ADGRL3: variants seen among roughly 807,000 people sequenced by gnomAD.
ADGRL3 encodes calcium-independent alpha-latrotoxin receptor 3.
ADGRL3 carries 62 observed loss-of-function variants against 153.5 expected under a neutral mutation model. The observed-to-expected ratio is 0.40, with a 90% CI of 0.33 to 0.50. ADGRL3 has a LOEUF of 0.50. Among genes scored for constraint, ADGRL3 ranks in the 20% least tolerant of loss-of-function variants. The probability of loss-of-function intolerance (pLI) is 0.47; values close to 1 mark genes in which losing one functional copy is unlikely to be tolerated. For synonymous variants in ADGRL3, 710 were observed against 672.5 expected (o/e 1.06, Z -0.86); for missense variants, 1,641 against 1,859.4 (o/e 0.88, Z 2.16).
At chr4:61,774,456 C>T (rs1053514923) in intron 8 of ADGRL3, among the ~76,000 whole-genome samples, 10 of 143,520 alleles carry the variant, frequency 7.0e-5, no homozygotes, top group South Asian at 2.3e-4. Flanking sequence ...AAAAACAATA[C>T]AGTATAACAA....
At chr4:61,476,248 A>C (rs940031629) in intron 2 of ADGRL3, among the ~76,000 whole-genome samples, 1 of 151,820 alleles carries the variant, frequency 6.6e-6, no homozygotes, top group Non-Finnish European at 1.5e-5. Flanking sequence ...TTTTTTTGAG[A>C]GAGAGTCACT....
At chr4:61,535,104 ATT>A (rs61288917) in intron 4 of ADGRL3, among the ~76,000 whole-genome samples, 24 of 151,548 alleles carry the variant, frequency 1.6e-4, no homozygotes, top group African/African-American at 2.9e-4. Context: ...ATATTGAGGT[ATT>A]TTTTTTTATG....
intron 21 of ADGRL3, among the ~76,000 whole-genome samples, chr4:62,024,205 T>A (rs889196133): frequency 6.6e-6 from 1 of 152,124 alleles, no homozygotes; most frequent in African/African-American, 2.4e-5. Context: ...TTATACTCAG[T>A]TTTTCCTAAT....
chr4:61,946,441 A>G (rs1438699250), intron 15 of ADGRL3, among the ~76,000 whole-genome samples: 1 of 152,106 alleles, frequency 6.6e-6, no homozygotes, highest in African/African-American at 2.4e-5. Context: ...AATGTTTTGT[A>G]TAATAATGAA....
intron 2 of ADGRL3, among the ~76,000 whole-genome samples, chr4:61,495,567 C>G (rs1029609544): frequency 6.6e-6 from 1 of 151,828 alleles, no homozygotes; most frequent in African/African-American, 2.4e-5. Context: ...CCAATTTGTG[C>G]TTGATTGATC....
At chr4:61,749,519 C>A (rs201938263) in intron 8 of ADGRL3, among the ~76,000 whole-genome samples, 1 of 152,156 alleles carries the variant, frequency 6.6e-6, no homozygotes, top group East Asian at 1.9e-4. Flanking sequence ...CCGTGGAATA[C>A]TATGCAACCA....
At position 61,326,599 on chromosome 4, in the gene ADGRL3, A is replaced by ATGTGTGTGTGTG. The variant is rs34387631; in HGVS notation, c.-239-56501_-239-56490dup. On this transcript the variant is annotated intron_variant, in intron 1 of 26. Transcript: ENST00000683033. The stretch of plus-strand genomic sequence containing the variant: ...TCCAGCTAGCCAGTTATGCCAGATA[A>ATGTGTGTGTGTG]TGTGTGTGTGTGTGTGTGTGTGTGT... Among the ~76,000 whole-genome samples, 763 of 140,712 alleles carry ATGTGTGTGTGTG rather than the reference A, an allele frequency of 5.4e-3. 8 individuals carry two copies. Among genetic ancestry groups the ATGTGTGTGTGTG allele is most frequent in the African/African-American group, 0.019 (734 of 38,240 alleles). 92.3% of individuals were successfully genotyped at this position (140,712 alleles called of 152,430 possible).
chr4:62,043,718 T>C (rs547065212), intron 24 of ADGRL3, among the ~76,000 whole-genome samples: 1 of 152,126 alleles, frequency 6.6e-6, no homozygotes. Flanking sequence ...TAAACTGATA[T>C]AACAGAATAA....
At chr4:61,739,228 T>A (rs1348947831) in intron 8 of ADGRL3, among the ~76,000 whole-genome samples, 1 of 152,174 alleles carries the variant, frequency 6.6e-6, no homozygotes, top group African/African-American at 2.4e-5. Context: ...TAAAAAGTTT[T>A]TTTTGGAACT....
At chr4:61,704,245 G>A (rs754902396) in intron 6 of ADGRL3, among the ~76,000 whole-genome samples, 13 of 152,214 alleles carry the variant, frequency 8.5e-5, no homozygotes, top group Non-Finnish European at 1.6e-4. Flanking sequence ...CATATGAAGT[G>A]CCCTTCTGTG....
intron 20 of ADGRL3, among the ~76,000 whole-genome samples, chr4:61,997,416 T>G (rs2099125460): frequency 6.6e-6 from 1 of 152,064 alleles, no homozygotes; most frequent in African/African-American, 2.4e-5. Flanking sequence ...TTTTTGGATT[T>G]GGGGATGATT....
At chr4:61,750,796 G>GAAAAAAAAA (rs34825890) in intron 8 of ADGRL3, among the ~76,000 whole-genome samples, 1 of 121,858 alleles carries the variant, frequency 8.2e-6, no homozygotes, top group African/African-American at 3.1e-5. Context: ...TCTCAAAAAA[G>GAAAAAAAAA]AAAAAAAAAA....
Position 61,927,383 on chromosome 4 carries a change from G to A in ADGRL3, c.2113-7457G>A, listed in dbSNP as rs1339442875. Among the ~76,000 whole-genome samples the A allele has an allele frequency of 3.3e-5, 5 of 151,616 alleles. No individual in the cohort carries two copies. The East Asian group carries it at 5.8e-4, about 18-fold the overall frequency. On this transcript the variant is annotated intron_variant, in intron 13 of 26. Transcript: ENST00000683033. ...TTTTTTTTAAAAAAAAAAATAAGAG[G>A]TCTCTTAAAGACACAGTCTGTTCTA...
intron 8 of ADGRL3, among the ~76,000 whole-genome samples, chr4:61,759,595 A>G (rs985952546): frequency 7.2e-5 from 11 of 151,762 alleles, no homozygotes; most frequent in African/African-American, 2.2e-4. Context: ...AAGGTTTTTA[A>G]TTTCTTTGCC....
chr4:61,300,445 A>G (rs1370743948), intron 1 of ADGRL3, among the ~76,000 whole-genome samples: 1 of 152,242 alleles, frequency 6.6e-6, no homozygotes, highest in East Asian at 1.9e-4. Flanking sequence ...TCATAAATCA[A>G]TATCCTTTAG....
At chr4:62,006,576 GA>G (rs1223560941) in intron 21 of ADGRL3, among the ~76,000 whole-genome samples, 23 of 131,226 alleles carry the variant, frequency 1.8e-4, no homozygotes, top group Admixed American at 6.8e-4. Flanking sequence ...TCAATGTATA[GA>G]TTTTTTTTTT....
intron 6 of ADGRL3, among the ~76,000 whole-genome samples, chr4:61,681,914 G>A (rs1194895063): frequency 2.6e-5 from 4 of 151,696 alleles, no homozygotes; most frequent in African/African-American, 9.7e-5. Flanking sequence ...TTTCTTTCCA[G>A]TGCCTTTTTC....
intron 9 of ADGRL3, among the ~76,000 whole-genome samples, chr4:61,844,546 C>CAAAAAAAAAA (rs71604517): frequency 5.7e-5 from 1 of 17,544 alleles, no homozygotes; most frequent in Non-Finnish European, 8.5e-5. Flanking sequence ...GACTGCATCT[C>CAAAAAAAAAA]AAAAAAAAAA....
intron 9 of ADGRL3, among the ~76,000 whole-genome samples, chr4:61,815,697 C>T (rs909245676): frequency 6.6e-6 from 1 of 152,166 alleles, no homozygotes; most frequent in Non-Finnish European, 1.5e-5. Flanking sequence ...AAGAGGTGGA[C>T]ATTTAGGAGA....
Sources: allele counts gnomAD v4.1 joint callset (sites outside exome capture counted in the v4.1 genomes callset), GRCh38; gene constraint gnomAD v4.1.1; transcripts MANE v1.5; gene names NCBI Gene and HGNC (gene_info 2026-07-23, HGNC 2026-07-21).